The following CRIM1 variants were observed in gnomAD, a reference collection of about 807,000 sequenced individuals.
The protein encoded by CRIM1 is cysteine rich transmembrane BMP regulator 1.
A neutral mutation model predicts 116.4 loss-of-function variants in CRIM1; 32 were observed. That is an observed-to-expected ratio of 0.27 (90% CI 0.21 to 0.37). The LOEUF (loss-of-function observed/expected upper bound fraction) is 0.37. CRIM1 is among the 10% of genes least tolerant of loss of function. The pLI is 1.00. For synonymous variants in CRIM1, 590 were observed against 509.2 expected (o/e 1.16, Z -2.13); for missense variants, 1,331 against 1,354.8 (o/e 0.98, Z 0.28).
At chr2:36,367,997 C>A (rs943764933) in intron 1 of CRIM1, among the ~76,000 whole-genome samples, 5 of 152,158 alleles carry the variant, frequency 3.3e-5, no homozygotes, top group East Asian at 1.9e-4. Context: ...AAAACTTGCC[C>A]AAATTCACAT....
intron 2 of CRIM1, among the ~76,000 whole-genome samples, chr2:36,401,883 A>G (rs1672430404): frequency 6.6e-6 from 1 of 152,210 alleles, no homozygotes; most frequent in Non-Finnish European, 1.5e-5. Flanking sequence ...GTAGTTGTTG[A>G]GGATACAGCT....
chr2:36,427,073 C>T (rs1339653830), intron 2 of CRIM1, among the ~76,000 whole-genome samples: 8 of 151,764 alleles, frequency 5.3e-5, no homozygotes, highest in African/African-American at 9.7e-5. Context: ...TAGTGGTGTG[C>T]GCCTATAATC....
chr2:36,438,722 A>G (rs1675540311), intron 2 of CRIM1, among the ~76,000 whole-genome samples: 1 of 152,156 alleles, frequency 6.6e-6, no homozygotes, highest in South Asian at 2.1e-4. Context: ...CACATTTCTG[A>G]AAGGGAAGGA....
Position 36,479,647 on chromosome 2 carries a change from G to T in CRIM1, c.1325G>T (p.Cys442Phe). The T allele has an allele frequency of 6.2e-7, 1 of 1,614,222 alleles. No homozygotes were observed. Among genetic ancestry groups the T allele is most frequent in the South Asian group, 1.1e-5 (1 of 91,084 alleles). ...GTTGCGACCGTCTGCGGACAGACCT[G>T]CACAAACCCTGTGAAAGTGCCTGGG... ...HCVATVCGQT[C>F]TNPVKVPGEC... The change falls in exon 7 of 17, where the codon TGC (cysteine) becomes TTC (phenylalanine). Residue 442 changes from cysteine to phenylalanine, a missense_variant. By Grantham distance (205) the Cys-to-Phe change is radical (BLOSUM62 -2). Coordinates refer to ENST00000280527, the MANE Select transcript of CRIM1 (RefSeq NM_016441.3).
intron 13 of CRIM1, among the ~76,000 whole-genome samples, chr2:36,536,402 C>T (rs777793181): frequency 6.6e-6 from 1 of 152,098 alleles, no homozygotes; most frequent in Admixed American, 6.6e-5. Context: ...TAGTGAGTGG[C>T]GCTGCTTGTA....
intron 2 of CRIM1, among the ~76,000 whole-genome samples, chr2:36,402,771 G>A (rs963700320): frequency 6.6e-6 from 1 of 151,102 alleles, no homozygotes; most frequent in Non-Finnish European, 1.5e-5. Context: ...TTGTTAATAT[G>A]GATGTTGAGG....
chr2:36,522,993 C>T (rs1308494150), intron 13 of CRIM1, among the ~76,000 whole-genome samples: 1 of 149,620 alleles, frequency 6.7e-6, no homozygotes, highest in Non-Finnish European at 1.5e-5. Flanking sequence ...CTCACTCTGT[C>T]ACCCAGGCTG....
intron 1 of CRIM1, chr2:36,378,813 T>G (rs1364061738): frequency 2.7e-5 from 4 of 150,748 alleles, no homozygotes; most frequent in Admixed American, 1.3e-4. Flanking sequence ...TCGGTTTTTT[T>G]TTTTTTTTTT....
At chr2:36,414,271 C>G (rs541756324) in intron 2 of CRIM1, among the ~76,000 whole-genome samples, 2 of 152,308 alleles carry the variant, frequency 1.3e-5, no homozygotes, top group East Asian at 1.9e-4. Flanking sequence ...ATGCAGCTCT[C>G]AAAAGCAGCC....
chr2:36,538,793 A>C (rs1358249847), intron 14 of CRIM1, among the ~76,000 whole-genome samples: 1 of 152,180 alleles, frequency 6.6e-6, no homozygotes, highest in Admixed American at 6.5e-5. Context: ...AGCAAGTCTT[A>C]AGTGCTTTAA....
At chr2:36,417,511 A>G (rs1673710155) in intron 2 of CRIM1, among the ~76,000 whole-genome samples, 1 of 152,116 alleles carries the variant, frequency 6.6e-6, no homozygotes. Context: ...TTTCTTCCTT[A>G]TTCTAGACTC....
At chr2:36,529,794 CT>C (rs1414211099) in intron 13 of CRIM1, among the ~76,000 whole-genome samples, 1 of 152,188 alleles carries the variant, frequency 6.6e-6, no homozygotes, top group African/African-American at 2.4e-5. Context: ...TCACCTATTT[CT>C]TTCTAGTATG....
At chr2:36,392,172 C>T (rs1671667045) in intron 1 of CRIM1, among the ~76,000 whole-genome samples, 1 of 152,122 alleles carries the variant, frequency 6.6e-6, no homozygotes, top group Non-Finnish European at 1.5e-5. Flanking sequence ...TTTAATATAC[C>T]TGGCACTTCA....
intron 8 of CRIM1, among the ~76,000 whole-genome samples, chr2:36,506,133 GCACACA>G (rs142839402): frequency 8.4e-4 from 114 of 136,510 alleles, no homozygotes; most frequent in Middle Eastern, 7.1e-3. Context: ...ATTGCAGGGT[GCACACA>G]CACACACACA....
In CRIM1 at chr2:36,356,634, C is replaced by G. The variant is rs1233715311; in HGVS notation, c.331+11C>G. ...CGGGCGTTTGCGAAGGTACGGCCGC[C>G]CGCTGCGGGCCCCCTCCCACCTGGC... On this transcript the variant is annotated intron_variant, in intron 1 of 16. Coordinates refer to ENST00000280527, the MANE Select transcript of CRIM1 (RefSeq NM_016441.3). This position sits in a 1 kb window ranked among gnomAD's most constrained non-coding sequence, Gnocchi z 4.3. 2.5e-6 allele frequency: 4 copies of G among 1,598,608 alleles called. No individual in the cohort carries two copies. The highest frequency in any genetic ancestry group is 2.7e-5 in the African/African-American group (2 of 74,756).
chr2:36,537,692 C>T (rs1666650090), intron 14 of CRIM1, 146 bp downstream of exon 14: 4 of 879,264 alleles, frequency 4.5e-6, no homozygotes, highest in South Asian at 1.9e-5. Context: ...ACCCAAAGAC[C>T]CTATGGGTAA....
rs1297964165 is a variant in CRIM1 at position 36,540,580 on chromosome 2, CAG to C, written c.2623+3036_2623+3037del. Among the ~76,000 whole-genome samples the C allele has an allele frequency of 4.6e-5, 7 of 152,156 alleles. No homozygotes were observed. The South Asian group carries it at 6.2e-4, about 14-fold the overall frequency. Reference sequence around the variant, plus strand: ...GAGTTTTAGTAGCAGTAGGTAAGGACAGAAACAGTAGCTTTGGCAAGGATTTT... The same window carrying C: ...GAGTTTTAGTAGCAGTAGGTAAGGACAAACAGTAGCTTTGGCAAGGATTTT... On this transcript the variant is annotated intron_variant, in intron 14 of 16. Transcript: ENST00000280527.
intron 13 of CRIM1, among the ~76,000 whole-genome samples, chr2:36,536,582 C>G (rs566755368): frequency 7.9e-5 from 12 of 152,160 alleles, no homozygotes; most frequent in African/African-American, 2.2e-4. Context: ...AGGGAAATTT[C>G]TGTGTGTGAA....
intron 2 of CRIM1, among the ~76,000 whole-genome samples, chr2:36,408,640 G>C (rs1460503928): frequency 6.6e-6 from 1 of 152,210 alleles, no homozygotes; most frequent in Admixed American, 6.5e-5. Context: ...TGCAGCCCCA[G>C]GCTTGTCTCC....
Sources: gnomAD v4.1 joint callset for allele counts (sites outside exome capture counted in the v4.1 genomes callset) on GRCh38, gnomAD v4.1.1 for gene constraint, Gnocchi (gnomAD v3.1) non-coding constraint, MANE v1.5 for transcripts, NCBI Gene and HGNC (gene_info 2026-07-23, HGNC 2026-07-21) for gene names.